The following C8orf88 variants were observed in gnomAD, a reference collection of about 807,000 sequenced individuals.
C8orf88 encodes chromosome 8 open reading frame 88.
C8orf88 carries 14 observed loss-of-function variants against 18.4 expected under a neutral mutation model. The observed-to-expected ratio is 0.76, with a 90% CI of 0.50 to 1.19. The LOEUF is 1.19. C8orf88 is among the 50% of genes most tolerant of loss of function. C8orf88 has a pLI of 0.00. For synonymous variants in C8orf88, 45 were observed against 42.9 expected (o/e 1.05, Z -0.19); for missense variants, 116 against 134.7 (o/e 0.86, Z 0.69).
intron 3 of C8orf88, 67 bp downstream of exon 3, chr8:90,978,512 T>C (rs1586165768): frequency 1.1e-6 from 1 of 925,284 alleles, no homozygotes; most frequent in Non-Finnish European, 1.6e-6. Flanking sequence ...TGGCACACAA[T>C]AGCCATCTAA....
intron 3 of C8orf88, among the ~76,000 whole-genome samples, chr8:90,972,421 A>G (rs1302975202): frequency 6.6e-6 from 1 of 152,062 alleles, no homozygotes; most frequent in Non-Finnish European, 1.5e-5. Flanking sequence ...AAAAATTAAA[A>G]AAAAAAACAA....
chr8:90,960,537 A>C (rs1237571040), intron 5 of C8orf88, among the ~76,000 whole-genome samples: 1 of 151,442 alleles, frequency 6.6e-6, no homozygotes, highest in Non-Finnish European at 1.5e-5. Flanking sequence ...AATATTTCTT[A>C]AACAAAATAC....
intron 4 of C8orf88, among the ~76,000 whole-genome samples, chr8:90,970,376 T>C (rs956014974): frequency 2.0e-5 from 3 of 152,004 alleles, no homozygotes; most frequent in African/African-American, 7.2e-5. Context: ...ATTAATGGTC[T>C]TTTCATACTT....
chr8:90,958,817 T>G lies in C8orf88; in HGVS notation c.*190A>C. ...TACTTCCCAATTTATGCAGGAAACC[T>G]CCTGCAAAGCTGAAACTGATTAGAA... On this transcript the variant is annotated 3_prime_UTR_variant, in exon 6 of 6. Coordinates refer to ENST00000517562, the MANE Select transcript of C8orf88 (RefSeq NM_001190972.2). 2.3e-6 allele frequency: 1 copy of G among 441,198 alleles called. No individual in the cohort carries two copies. The highest frequency in any genetic ancestry group is 4.0e-6 in the Non-Finnish European group (1 of 251,130). The allele number at this position is 441,198 out of a possible 1,614,324, so 27.3% of individuals were successfully genotyped here.
chr8:90,971,037 T>TAA, intron 4 of C8orf88, 29 bp downstream of exon 4: 2 of 1,360,904 alleles, frequency 1.5e-6, no homozygotes, highest in Non-Finnish European at 2.0e-6. Flanking sequence ...CATTCAATGA[T>TAA]AAAATTGGGA....
At chr8:90,980,887 C>T (rs1450747522) in intron 1 of C8orf88, among the ~76,000 whole-genome samples, 4 of 152,046 alleles carry the variant, frequency 2.6e-5, no homozygotes, top group African/African-American at 7.2e-5. Context: ...TGGGGTCTCA[C>T]TATGTTGCCC....
intron 3 of C8orf88, among the ~76,000 whole-genome samples, chr8:90,971,935 A>ATTGGTGTTCTG (rs1314611171): frequency 6.6e-6 from 1 of 152,072 alleles, no homozygotes; most frequent in East Asian, 1.9e-4. Flanking sequence ...TTATAAAATA[A>ATTGGTGTTCTG]TTGGTGTTCT....
chr8:90,958,909 TAAG>T lies in C8orf88; in HGVS notation c.*95_*97del. 2.9e-6 allele frequency: 2 copies of T among 689,074 alleles called. No homozygotes were observed. 42.7% of individuals were successfully genotyped at this position (689,074 alleles called of 1,614,324 possible). ...AAGTCAAATAGCCAACCATCAAAAT[TAAG>T]AATAAATTGAATTGTCACAGTCCAT... On this transcript the variant is annotated 3_prime_UTR_variant, in exon 6 of 6. Coordinates refer to ENST00000517562, the MANE Select transcript of C8orf88 (RefSeq NM_001190972.2).
At chr8:90,979,706 A>C (rs1811403835) in intron 2 of C8orf88, among the ~76,000 whole-genome samples, 1 of 152,234 alleles carries the variant, frequency 6.6e-6, no homozygotes, top group South Asian at 2.1e-4. Context: ...TGTATCACCT[A>C]AAGTAGACAC....
chr8:90,978,091 G>A (rs1397321762), intron 3 of C8orf88, among the ~76,000 whole-genome samples: 2 of 152,104 alleles, frequency 1.3e-5, no homozygotes, highest in African/African-American at 4.8e-5. Flanking sequence ...AGAGACTGGA[G>A]GGAAACTTTT....
At chr8:90,984,842 T>C (rs1304386116) in intron 1 of C8orf88, among the ~76,000 whole-genome samples, 1 of 152,166 alleles carries the variant, frequency 6.6e-6, no homozygotes, top group Non-Finnish European at 1.5e-5. Flanking sequence ...GGCGATGGCT[T>C]TGGTCTCGGC....
chr8:90,970,403 A>C (rs1811266600), intron 4 of C8orf88, among the ~76,000 whole-genome samples: 1 of 152,060 alleles, frequency 6.6e-6, no homozygotes, highest in African/African-American at 2.4e-5. Flanking sequence ...TTTAAACTAC[A>C]TACATTAATT....
At chr8:90,980,500 A>G (rs1469126542) in intron 1 of C8orf88, 39 bp from the exon 2 acceptor site, 2 of 891,728 alleles carry the variant, frequency 2.2e-6, no homozygotes, top group African/African-American at 1.7e-5. Flanking sequence ...TTTTGGACAA[A>G]ATAATCAAGA....
At chr8:90,968,621 G>C (rs1811237755) in intron 4 of C8orf88, among the ~76,000 whole-genome samples, 1 of 125,752 alleles carries the variant, frequency 8.0e-6, no homozygotes, top group Non-Finnish European at 1.7e-5. Flanking sequence ...CCTATCAAGA[G>C]AATAACACAA....
chr8:90,961,776 T>C (rs995015350), intron 4 of C8orf88, among the ~76,000 whole-genome samples: 2 of 151,462 alleles, frequency 1.3e-5, no homozygotes, highest in African/African-American at 4.8e-5. Flanking sequence ...CCACCACAGA[T>C]AATATATAGA....
chr8:90,959,586 A>ACTT (rs1811095664), intron 5 of C8orf88, among the ~76,000 whole-genome samples: 1 of 151,486 alleles, frequency 6.6e-6, no homozygotes, highest in Non-Finnish European at 1.5e-5. Context: ...GCTTTAATTA[A>ACTT]CTTTAAAAAG....
intron 4 of C8orf88, among the ~76,000 whole-genome samples, chr8:90,964,332 C>T (rs1375369427): frequency 6.6e-6 from 1 of 151,644 alleles, no homozygotes; most frequent in East Asian, 1.9e-4. Flanking sequence ...GATTTCTCAT[C>T]AGAAACTATG....
intron 1 of C8orf88, among the ~76,000 whole-genome samples, chr8:90,981,678 C>T (rs989254968): frequency 1.3e-5 from 2 of 152,032 alleles, no homozygotes; most frequent in African/African-American, 4.8e-5. Flanking sequence ...TTAGTTGAGG[C>T]CACAAAAACC....
chr8:90,978,461 A>C (rs1401909934), intron 3 of C8orf88, 118 bp downstream of exon 3: 3 of 465,176 alleles, frequency 6.4e-6, no homozygotes, highest in Non-Finnish European at 1.1e-5. Context: ...TATCTTTAAC[A>C]TATGTACATA....
Sources: gnomAD v4.1 joint callset for allele counts (sites outside exome capture counted in the v4.1 genomes callset) on GRCh38, gnomAD v4.1.1 for gene constraint, MANE v1.5 for transcripts, NCBI Gene and HGNC (gene_info 2026-07-23, HGNC 2026-07-21) for gene names.